Variants in ADAMTS9 observed in about 807,000 individuals in gnomAD.
ADAMTS9 encodes ADAM metallopeptidase with thrombospondin type 1 motif 9, also known as A disintegrin and metalloproteinase with thrombospondin motifs 9.
ADAMTS9 carries 107 observed loss-of-function variants against 257.1 expected under a neutral mutation model. The observed-to-expected ratio is 0.42, with a 90% CI of 0.36 to 0.49. The LOEUF (loss-of-function observed/expected upper bound fraction) is 0.49. Ranked by LOEUF, ADAMTS9 falls within the 20% of genes least tolerant of loss-of-function variation. The pLI is 0.03. For missense variants in ADAMTS9, 2,353 were observed against 2,469.1 expected (o/e 0.95, Z 1.00); for synonymous variants, 982 against 880.9 (o/e 1.11, Z -2.03).
chr3:64,523,080 C>T (rs367569075), intron 38 of ADAMTS9, among the ~76,000 whole-genome samples: 1 of 152,000 alleles, frequency 6.6e-6, no homozygotes, highest in Admixed American at 6.6e-5. Context: ...CATTTGTTAG[C>T]CAAGCAAGGA....
At chr3:64,589,460 TATC>T (rs891811890) in intron 28 of ADAMTS9, 1 of 152,196 alleles carries the variant, frequency 6.6e-6, no homozygotes, top group Non-Finnish European at 1.5e-5. Flanking sequence ...TGAAGTAGAT[TATC>T]GGCTAGTCAA....
chr3:64,546,112 A>AT (rs1009005598), intron 32 of ADAMTS9, among the ~76,000 whole-genome samples: 3 of 152,302 alleles, frequency 2.0e-5, no homozygotes, highest in Admixed American at 6.5e-5. Context: ...GATTTTAAGC[A>AT]TTTTTTTAAA....
intron 28 of ADAMTS9, among the ~76,000 whole-genome samples, chr3:64,578,732 A>T (rs2083920382): frequency 6.6e-6 from 1 of 152,170 alleles, no homozygotes; most frequent in African/African-American, 2.4e-5. Context: ...AATCGGTGGC[A>T]ACTCCATCCT....
chr3:64,609,118 T>C (rs1229418622), intron 22 of ADAMTS9, among the ~76,000 whole-genome samples: 1 of 152,054 alleles, frequency 6.6e-6, no homozygotes, highest in Non-Finnish European at 1.5e-5. Flanking sequence ...AGGGAACTTA[T>C]TCAACATCAT....
intron 3 of ADAMTS9, among the ~76,000 whole-genome samples, chr3:64,660,456 T>C (rs542425062): frequency 2.4e-4 from 36 of 152,270 alleles, no homozygotes; most frequent in African/African-American, 8.2e-4. Context: ...TTACCTGCAG[T>C]CACCTCAGTC....
intron 30 of ADAMTS9, among the ~76,000 whole-genome samples, chr3:64,556,577 T>C (rs1251260176): frequency 6.6e-6 from 1 of 152,202 alleles, no homozygotes; most frequent in Non-Finnish European, 1.5e-5. Context: ...CTCCTTGGCC[T>C]CCCAAAGTGC....
intron 3 of ADAMTS9, among the ~76,000 whole-genome samples, chr3:64,669,643 A>G (rs568346879): frequency 6.6e-6 from 1 of 152,340 alleles, no homozygotes; most frequent in Admixed American, 6.5e-5. Flanking sequence ...GCAAAACCCA[A>G]CAGAGATTCC....
intron 37 of ADAMTS9, among the ~76,000 whole-genome samples, chr3:64,536,130 C>T (rs189732249): frequency 2.6e-5 from 4 of 152,270 alleles, no homozygotes; most frequent in African/African-American, 2.4e-5. Context: ...TCAATATATA[C>T]GTCTACTAAG....
chr3:64,619,069 A>C (rs1559794850), intron 19 of ADAMTS9, among the ~76,000 whole-genome samples: 1 of 152,182 alleles, frequency 6.6e-6, no homozygotes, highest in Non-Finnish European at 1.5e-5. Flanking sequence ...CCATGGGTAA[A>C]CTTAAAAAGA....
At chr3:64,680,710 G>A (rs1701732523) in intron 3 of ADAMTS9, among the ~76,000 whole-genome samples, 1 of 152,126 alleles carries the variant, frequency 6.6e-6, no homozygotes, top group Non-Finnish European at 1.5e-5. Context: ...GAGCAAACCT[G>A]AAGTTTCTAG....
intron 2 of ADAMTS9, among the ~76,000 whole-genome samples, chr3:64,681,996 A>G (rs757599547): frequency 4.6e-5 from 7 of 152,198 alleles, no homozygotes; most frequent in Admixed American, 1.3e-4. Flanking sequence ...CTTCCCATTG[A>G]TTCAAATTCA....
chr3:64,521,661 C>T (rs1042211085), intron 39 of ADAMTS9: 1 of 152,228 alleles, frequency 6.6e-6, no homozygotes, highest in Non-Finnish European at 1.5e-5. Context: ...CAGCTGGAGG[C>T]AATTTTCCTA....
chr3:64,555,503 C>G (rs564516205), intron 30 of ADAMTS9, among the ~76,000 whole-genome samples: 6 of 152,152 alleles, frequency 3.9e-5, no homozygotes, highest in Admixed American at 6.5e-5. Context: ...GGCAGCTATT[C>G]CCAACTTGGG....
intron 11 of ADAMTS9, among the ~76,000 whole-genome samples, chr3:64,643,070 C>T (rs552034866): frequency 1.3e-5 from 2 of 152,284 alleles, no homozygotes; most frequent in South Asian, 2.1e-4. Flanking sequence ...TCTGAGGGCA[C>T]GTCCCTTTCC....
At chr3:64,650,860 C>T in intron 9 of ADAMTS9, 157 bp downstream of exon 9, 1 of 712,738 alleles carries the variant, frequency 1.4e-6, no homozygotes. Context: ...ACACAGATGT[C>T]AGAGAGCTTT....
intron 3 of ADAMTS9, among the ~76,000 whole-genome samples, chr3:64,674,101 TA>T (rs1274908372): frequency 3.3e-4 from 43 of 128,394 alleles, no homozygotes; most frequent in Admixed American, 2.5e-3. Flanking sequence ...AGTTTTTTTT[TA>T]AAAAAAAAGG....
chr3:64,561,967 G>T (rs961388125), intron 29 of ADAMTS9, among the ~76,000 whole-genome samples: 1 of 152,114 alleles, frequency 6.6e-6, no homozygotes, highest in East Asian at 1.9e-4. Flanking sequence ...AGTGAGGAAG[G>T]TGCTCAAGTT....
chr3:64,602,058 G>T lies in ADAMTS9; in HGVS notation c.3903C>A (p.Asp1301Glu). 6.2e-7 allele frequency: 1 copy of T among 1,614,090 alleles called. No individual in the cohort carries two copies. Among genetic ancestry groups the T allele is most frequent in the Non-Finnish European group, 8.5e-7 (1 of 1,179,990 alleles). Reference protein sequence around the residue: ...SMSPCPQRTPDSGLAQHPFQN... With the variant: ...SMSPCPQRTPESGLAQHPFQN... ...GGAAGGGGTGCTGAGCTAAGCCACT[G>T]TCTGGGGTCCTTTGAGGGCATGGTG... The change falls in exon 26 of 40, where the codon GAC becomes GAA. Residue 1301 changes from aspartate to glutamate, a missense_variant. Physicochemically the swap from Asp to Glu is conservative, Grantham distance 45. Transcript: ENST00000498707.
intron 9 of ADAMTS9, 61 bp from the exon 10 acceptor site, chr3:64,649,839 G>A: frequency 1.9e-6 from 3 of 1,554,582 alleles, no homozygotes; most frequent in Non-Finnish European, 2.6e-6. Context: ...GTCTCCCCCA[G>A]GTAACAGTAA....
Sources: allele counts gnomAD v4.1 joint callset (sites outside exome capture counted in the v4.1 genomes callset), GRCh38; gene constraint gnomAD v4.1.1; transcripts MANE v1.5; gene names NCBI Gene and HGNC (gene_info 2026-07-23, HGNC 2026-07-21).